Variants in NOS1AP observed in about 807,000 individuals in gnomAD.
NOS1AP encodes nitric oxide synthase 1 adaptor protein.
A neutral mutation model predicts 56.2 loss-of-function variants in NOS1AP; 21 were observed. The observed-to-expected ratio is 0.37, with a 90% confidence interval of 0.26 to 0.54. NOS1AP has a LOEUF of 0.54. NOS1AP is among the 20% of genes least tolerant of loss of function. NOS1AP has a pLI of 0.84. For synonymous variants in NOS1AP, 270 were observed against 274.6 expected (o/e 0.98, Z 0.17); for missense variants, 522 against 657.8 (o/e 0.79, Z 2.26).
At position 162,214,765 on chromosome 1, in the gene NOS1AP, G is replaced by A. The variant is rs543171785; in HGVS notation, c.177+60289G>A. On this transcript the variant is annotated intron_variant, in intron 2 of 9. Transcript: ENST00000361897. ...AGAACTACTATTTGGCCTAATTTTC[G>A]GTCTGGAAATAGCTACTATTTTCTT... Among the ~76,000 whole-genome samples, 11 of 151,968 alleles carry A rather than the reference G, an allele frequency of 7.2e-5. No individual in the cohort carries two copies. In the South Asian group the frequency reaches 2.1e-3, roughly 29 times the overall value.
intron 4 of NOS1AP, among the ~76,000 whole-genome samples, chr1:162,327,460 C>A (rs347296): frequency 3.3e-5 from 5 of 152,000 alleles, no homozygotes; most frequent in African/African-American, 9.7e-5. Context: ...GGCAAACCTG[C>A]ATCAGGAATT....
intron 6 of NOS1AP, 39 bp from the exon 7 acceptor site, chr1:162,355,148 T>C (rs1557890609): frequency 1.2e-6 from 2 of 1,611,620 alleles, no homozygotes; most frequent in Admixed American, 1.7e-5. Context: ...GTTCTCGGTG[T>C]TTTCATTCTC....
chr1:162,285,662 C>G (rs1049655285), intron 2 of NOS1AP, among the ~76,000 whole-genome samples: 11 of 152,150 alleles, frequency 7.2e-5, no homozygotes, highest in Non-Finnish European at 5.9e-5. Flanking sequence ...CCCTCTCTGC[C>G]TCCCGTTTCC....
chr1:162,364,707 G>A (rs1471737332), intron 8 of NOS1AP: 4 of 985,522 alleles, frequency 4.1e-6, no homozygotes, highest in Non-Finnish European at 4.8e-6. Flanking sequence ...CTACCAGGTG[G>A]TCCTGGTAAT....
intron 4 of NOS1AP, among the ~76,000 whole-genome samples, chr1:162,328,705 C>T (rs180851087): frequency 6.6e-6 from 1 of 152,356 alleles, no homozygotes; most frequent in East Asian, 1.9e-4. Flanking sequence ...GTCTGTCCCC[C>T]TCAGGGCCAG....
chr1:162,128,183 T>A (rs1648573477), intron 1 of NOS1AP, among the ~76,000 whole-genome samples: 1 of 152,146 alleles, frequency 6.6e-6, no homozygotes, highest in Non-Finnish European at 1.5e-5. Context: ...TTGATATTTA[T>A]CCTAATATGC....
At chr1:162,358,337 T>C (rs907306076) in intron 8 of NOS1AP, among the ~76,000 whole-genome samples, 3 of 152,190 alleles carry the variant, frequency 2.0e-5, no homozygotes, top group Admixed American at 6.5e-5. Context: ...TGTAACACGG[T>C]CTCTCCTGAC....
At chr1:162,293,454 C>T (rs1227153738) in intron 3 of NOS1AP, among the ~76,000 whole-genome samples, 1 of 152,164 alleles carries the variant, frequency 6.6e-6, no homozygotes, top group Non-Finnish European at 1.5e-5. Context: ...ATAATTATTC[C>T]TGACTCTGTT....
In NOS1AP at chr1:162,176,554, G is replaced by C. The variant is rs1408750084; in HGVS notation, c.177+22078G>C. 1.1e-4 allele frequency among the ~76,000 whole-genome samples: 15 copies of C among 137,586 alleles called. No homozygotes were observed. The South Asian group carries it at 1.2e-3, about 11-fold the overall frequency. The allele number at this position is 137,586 out of a possible 152,430, so 90.3% of individuals were successfully genotyped here. A position where few individuals can be genotyped will look rare whatever the true frequency, so the allele number is the denominator to read the frequency against. On this transcript the variant is annotated intron_variant, in intron 2 of 9. Transcript: ENST00000361897. Reference sequence around the variant, plus strand: ...AGATGGAGTGTTGCTCTGTTGCCAGGCTGGAGTGCAGTGGTGTGATCTTGG... The same window carrying C: ...AGATGGAGTGTTGCTCTGTTGCCAGCCTGGAGTGCAGTGGTGTGATCTTGG...
At chr1:162,132,708 G>A (rs1648804378) in intron 1 of NOS1AP, among the ~76,000 whole-genome samples, 1 of 152,164 alleles carries the variant, frequency 6.6e-6, no homozygotes, top group Admixed American at 6.5e-5. Context: ...GACATAATAG[G>A]AATCTATAGC....
At position 162,278,740 on chromosome 1, in the gene NOS1AP, G is replaced by A. The variant is rs147524175; in HGVS notation, c.178-8604G>A. ...ATATGAATCATACTGTGGTAACAGTGTTATCTCTGCCCCACTCCTCTGCAA... is the reference window on the plus strand; with the variant it reads ...ATATGAATCATACTGTGGTAACAGTATTATCTCTGCCCCACTCCTCTGCAA... On this transcript the variant is annotated intron_variant, in intron 2 of 9. Coordinates refer to ENST00000361897, the MANE Select transcript of NOS1AP (RefSeq NM_014697.3). Among the ~76,000 whole-genome samples the A allele has an allele frequency of 2.7e-5, 4 of 150,878 alleles. No individual in the cohort carries two copies. In the East Asian group the frequency reaches 7.8e-4, roughly 29 times the overall value.
chr1:162,081,774 A>ATATATTTTTTTTTTTTTTT lies in NOS1AP; in HGVS notation c.105+11493_105+11494insATATTTTTTTTTTTTTTTT. ...TCTATAGATATATATATATATATAT[A>ATATATTTTTTTTTTTTTTT]TTTTTTTTTTGTAGAGATGGGTTTT... On this transcript the variant is annotated intron_variant, in intron 1 of 9. Coordinates refer to ENST00000361897, the MANE Select transcript of NOS1AP (RefSeq NM_014697.3). Among the ~76,000 whole-genome samples, 105 of 44,008 alleles carry ATATATTTTTTTTTTTTTTT rather than the reference A, an allele frequency of 2.4e-3. 2 individuals are homozygous for ATATATTTTTTTTTTTTTTT. Among genetic ancestry groups the ATATATTTTTTTTTTTTTTT allele is most frequent in the Non-Finnish European group, 3.8e-3 (82 of 21,556 alleles). 28.9% of individuals were successfully genotyped at this position (44,008 alleles called of 152,430 possible).
chr1:162,314,684 A>G (rs1656174424), intron 4 of NOS1AP, among the ~76,000 whole-genome samples: 1 of 152,172 alleles, frequency 6.6e-6, no homozygotes, highest in Admixed American at 6.5e-5. Flanking sequence ...GGATACAAAT[A>G]CCTTTGAGAA....
chr1:162,267,720 A>C (rs1269127712), intron 2 of NOS1AP, among the ~76,000 whole-genome samples: 6 of 152,162 alleles, frequency 3.9e-5, no homozygotes, highest in African/African-American at 1.4e-4. Context: ...CTATGAGTGC[A>C]CTACTGCACT....
intron 1 of NOS1AP, among the ~76,000 whole-genome samples, chr1:162,081,744 C>CTATATA (rs1203479621): frequency 3.5e-5 from 3 of 85,250 alleles, no homozygotes; most frequent in Non-Finnish European, 7.5e-5. Flanking sequence ...ATATCTATAT[C>CTATATA]TATATCTATA....
At chr1:162,078,931 A>G (rs1427557475) in intron 1 of NOS1AP, among the ~76,000 whole-genome samples, 3 of 152,142 alleles carry the variant, frequency 2.0e-5, no homozygotes, top group African/African-American at 7.2e-5. Context: ...TGTCATTGTC[A>G]GGGTCCATGT....
chr1:162,227,648 A>C (rs1358104731), intron 2 of NOS1AP, among the ~76,000 whole-genome samples: 2 of 152,182 alleles, frequency 1.3e-5, no homozygotes, highest in Admixed American at 1.3e-4. Flanking sequence ...GCACACACAT[A>C]TCTTATGTTT....
At chr1:162,326,278 G>C (rs1358551146) in intron 4 of NOS1AP, among the ~76,000 whole-genome samples, 1 of 152,166 alleles carries the variant, frequency 6.6e-6, no homozygotes, top group African/African-American at 2.4e-5. Flanking sequence ...GAACATGGAT[G>C]TAGACTCAGG....
intron 1 of NOS1AP, among the ~76,000 whole-genome samples, chr1:162,094,883 A>G (rs766337540): frequency 4.6e-5 from 7 of 152,136 alleles, no homozygotes; most frequent in Non-Finnish European, 7.4e-5. Flanking sequence ...AGGCAGCCAC[A>G]TGTCATCTTC....
Sources: gnomAD v4.1 joint callset for allele counts (sites outside exome capture counted in the v4.1 genomes callset) on GRCh38, gnomAD v4.1.1 for gene constraint, MANE v1.5 for transcripts, NCBI Gene and HGNC (gene_info 2026-07-23, HGNC 2026-07-21) for gene names.